Variants in ABCC1 observed in about 807,000 individuals in gnomAD.
The protein encoded by ABCC1 is ATP binding cassette subfamily C member 1 (ABCC1 blood group), also known as multidrug resistance-associated protein 1.
A neutral mutation model predicts 172.9 loss-of-function variants in ABCC1; 83 were observed. The ratio of observed to expected loss-of-function variants is 0.48; its 90% CI spans 0.40 to 0.58. The LOEUF is 0.58. Among genes scored for constraint, ABCC1 ranks in the 20% least tolerant of loss-of-function variants. ABCC1 has a pLI of 0.00. For synonymous variants in ABCC1, 937 were observed against 825.2 expected (o/e 1.14, Z -2.32); for missense variants, 1,817 against 2,002.7 (o/e 0.91, Z 1.77).
At chr16:16,060,668 T>C (rs764048829) in intron 12 of ABCC1, among the ~76,000 whole-genome samples, 1 of 151,640 alleles carries the variant, frequency 6.6e-6, no homozygotes, top group Non-Finnish European at 1.5e-5. Flanking sequence ...ATTACAAACA[T>C]GCACTACCAT....
At chr16:16,038,043 A>AGGATGGATGGATGGATGGATGGAT (rs150697316) in intron 7 of ABCC1, among the ~76,000 whole-genome samples, 18 of 151,722 alleles carry the variant, frequency 1.2e-4, no homozygotes, top group African/African-American at 4.4e-4. Context: ...CAGAACTAGT[A>AGGATGGATGGATGGATGGATGGAT]GGATGGATGG....
In ABCC1 at chr16:16,076,368, C is replaced by T. The variant is rs1248421193; in HGVS notation, c.1955C>T (p.Thr652Ile). Reference sequence around the variant, plus strand: ...ATCACCGTGAGGAATGCCACATTCACCTGGGCCAGGAGCGACCCTCCCACA... The same window carrying T: ...ATCACCGTGAGGAATGCCACATTCATCTGGGCCAGGAGCGACCCTCCCACA... ...NSITVRNATF[T>I]WARSDPPTLN... is the part of the protein sequence containing the mutation. The change falls in exon 15 of 31, where the codon ACC (threonine) becomes ATC (isoleucine). Residue 652 changes from threonine (T) to isoleucine (I), a missense_variant. Thr to Ile is a moderately conservative substitution (Grantham distance 89, BLOSUM62 -1). Transcript: ENST00000399410. The T allele has an allele frequency of 1.2e-6, 2 of 1,612,154 alleles. No individual in the cohort carries two copies. The highest frequency in any genetic ancestry group is 3.3e-5 in the Admixed American group (2 of 59,722).
At chr16:16,130,638 C>G (rs553909542) in intron 26 of ABCC1, among the ~76,000 whole-genome samples, 22 of 152,262 alleles carry the variant, frequency 1.4e-4, no homozygotes, top group Non-Finnish European at 2.1e-4. Flanking sequence ...TAAGATATAC[C>G]TCCACTTGCT....
At chr16:16,080,464 A>G (rs1356066764) in intron 16 of ABCC1, among the ~76,000 whole-genome samples, 3 of 152,166 alleles carry the variant, frequency 2.0e-5, no homozygotes, top group East Asian at 1.9e-4. Flanking sequence ...AGGCTCCTTT[A>G]CAAATAATCC....
chr16:16,045,848 G>C lies in ABCC1; in HGVS notation c.1053G>C (p.Lys351Asn). 6.2e-7 allele frequency: 1 copy of C among 1,614,100 alleles called. No individual in the cohort carries two copies. Among genetic ancestry groups the C allele is most frequent in the Non-Finnish European group, 8.5e-7 (1 of 1,179,996 alleles). The change falls in exon 9 of 31, where the codon AAG becomes AAC. Residue 351 changes from lysine to asparagine, a missense_variant. Around this residue, in one of 3 missense-constraint regions of ABCC1, gnomAD observed 1,412 missense variants for 1,600.3 expected, o/e 0.88. Transcript: ENST00000399410. ...SGPQILKLLI[K>N]FVNDTKAPDW... ...TGCTCCTTTGCAGGTTGCTCATCAA[G>C]TTCGTGAATGACACGAAGGCCCCAG...
At chr16:16,034,580 C>CTTTTTT (rs35163690) in intron 6 of ABCC1, among the ~76,000 whole-genome samples, 37 of 84,664 alleles carry the variant, frequency 4.4e-4, no homozygotes, top group Non-Finnish European at 4.4e-4. Flanking sequence ...TGTATGTTAA[C>CTTTTTT]TTTTTTTTTT....
intron 12 of ABCC1, among the ~76,000 whole-genome samples, chr16:16,065,094 T>C (rs1212935497): frequency 1.3e-5 from 2 of 152,102 alleles, no homozygotes; most frequent in African/African-American, 2.4e-5. Context: ...TGCCCATTCA[T>C]AGGTGGGATA....
In ABCC1 at chr16:16,115,064, C is replaced by T. The variant is rs1399765484; in HGVS notation, c.3378C>T (p.Tyr1126=). Residue 1126 remains tyrosine, a synonymous_variant, in exon 23 of 31, where the codon TAC becomes TAT. Transcript: ENST00000399410. ...AIIIPPLGLI[Y]FFVQRFYVAS... ...TCATCCCGCCCCTTGGCCTCATCTA[C>T]TTCTTCGTCCAGGTAAGGGGTGAGG... The T allele has an allele frequency of 1.9e-6, 3 of 1,613,608 alleles. No individual in the cohort carries two copies. Among genetic ancestry groups the T allele is most frequent in the African/African-American group, 1.3e-5 (1 of 74,924 alleles).
chr16:15,973,702 G>T (rs892261437), intron 1 of ABCC1, among the ~76,000 whole-genome samples: 1 of 152,072 alleles, frequency 6.6e-6, no homozygotes, highest in African/African-American at 2.4e-5. Flanking sequence ...TGAGCTGGGC[G>T]TGGTGACTCA....
chr16:16,023,237 C>T (rs557138191), intron 5 of ABCC1, among the ~76,000 whole-genome samples: 3 of 152,096 alleles, frequency 2.0e-5, no homozygotes, highest in Non-Finnish European at 2.9e-5. Context: ...AAACTTCCTT[C>T]GAAATATATT....
intron 17 of ABCC1, 78 bp downstream of exon 17, chr16:16,083,620 C>A: frequency 6.5e-7 from 1 of 1,537,760 alleles, no homozygotes; most frequent in Non-Finnish European, 8.9e-7. Context: ...TCTCAGTGGG[C>A]TGTGAGTCTG....
intron 23 of ABCC1, among the ~76,000 whole-genome samples, chr16:16,116,283 G>C (rs1464510702): frequency 6.6e-6 from 1 of 152,074 alleles, no homozygotes; most frequent in African/African-American, 2.4e-5. Context: ...CAGTCAGTGA[G>C]ATCAAGGAAG....
intron 26 of ABCC1, among the ~76,000 whole-genome samples, chr16:16,126,889 C>T (rs7201361): frequency 3.9e-5 from 6 of 152,134 alleles, no homozygotes; most frequent in African/African-American, 1.4e-4. Context: ...GAAACCCTGC[C>T]GTTATTGAAC....
Position 16,141,381 on chromosome 16 carries a change from C to CAGTGAATGTGAACAGT in ABCC1, c.*100_*101insAGTGAATGTGAACAGT. The CAGTGAATGTGAACAGT allele has an allele frequency of 8.7e-7, 1 of 1,146,492 alleles. No individual in the cohort carries two copies. 71.0% of individuals were successfully genotyped at this position (1,146,492 alleles called of 1,614,324 possible). ...GTAAACCAAGCCTCCCACACTGAAA[C>CAGTGAATGTGAACAGT]CAAAACATAAAAACCAAACCCAGAC... On this transcript the variant is annotated 3_prime_UTR_variant, in exon 31 of 31. Coordinates refer to ENST00000399410, the MANE Select transcript of ABCC1 (RefSeq NM_004996.4).
At position 16,122,951 on chromosome 16, in the gene ABCC1, A is replaced by G. The variant is rs116668045; in HGVS notation, c.3590+777A>G. On this transcript the variant is annotated intron_variant, in intron 24 of 30. Transcript: ENST00000399410. Reference sequence around the variant, plus strand: ...TTGTGGATCACAGATAATAGCATCAATCCAAAAGAGGCAGAAGTTTGCTAA... The same window carrying G: ...TTGTGGATCACAGATAATAGCATCAGTCCAAAAGAGGCAGAAGTTTGCTAA... Among the ~76,000 whole-genome samples the G allele has an allele frequency of 1.9e-3, 296 of 152,278 alleles. 3 individuals are homozygous for G. Among genetic ancestry groups the G allele is most frequent in the African/African-American group, 7.0e-3 (289 of 41,544 alleles).
chr16:16,116,155 C>G (rs1258680622), intron 23 of ABCC1, among the ~76,000 whole-genome samples: 1 of 152,228 alleles, frequency 6.6e-6, no homozygotes, highest in Non-Finnish European at 1.5e-5. Context: ...TCGCCTGCCT[C>G]AGCCTCCCAA....
At chr16:15,991,993 G>A (rs558363851) in intron 1 of ABCC1, among the ~76,000 whole-genome samples, 2 of 152,238 alleles carry the variant, frequency 1.3e-5, no homozygotes, top group South Asian at 4.2e-4. Flanking sequence ...GCGAGCGTGT[G>A]AGACTTCATC....
chr16:16,095,082 T>G (rs374420919), intron 19 of ABCC1: 2 of 151,766 alleles, frequency 1.3e-5, no homozygotes, highest in African/African-American at 4.8e-5. Flanking sequence ...CCTCCCAAAG[T>G]GTTGGGATAA....
At chr16:16,103,650 T>G (rs1310409746) in intron 20 of ABCC1, among the ~76,000 whole-genome samples, 1 of 152,062 alleles carries the variant, frequency 6.6e-6, no homozygotes, top group Non-Finnish European at 1.5e-5. Flanking sequence ...ATTGACAAAG[T>G]CGGAGCCTAA....
Sources: allele counts gnomAD v4.1 joint callset (sites outside exome capture counted in the v4.1 genomes callset), GRCh38; gene constraint gnomAD v4.1.1; regional missense constraint gnomAD v4.1.1; transcripts MANE v1.5; gene names NCBI Gene and HGNC (gene_info 2026-07-23, HGNC 2026-07-21).